COBLL1: variants seen among roughly 807,000 people sequenced by gnomAD.
COBLL1 encodes the protein cordon-bleu protein-like 1.
In COBLL1, 50 loss-of-function variants were observed where a neutral mutation model predicts 94.8. The ratio of observed to expected loss-of-function variants is 0.53; its 90% CI spans 0.42 to 0.67. The LOEUF is 0.67. COBLL1 is among the 30% of genes least tolerant of loss of function. COBLL1 has a pLI of 0.00. For missense variants in COBLL1, 1,362 were observed against 1,348.7 expected (o/e 1.01, Z -0.15); for synonymous variants, 448 against 473.8 (o/e 0.95, Z 0.71).
In COBLL1 at chr2:164,801,031, A is replaced by G. The variant is rs1220389703; in HGVS notation, c.41+40125T>C. 4.6e-5 allele frequency among the ~76,000 whole-genome samples: 7 copies of G among 152,320 alleles called. No homozygotes were observed. The East Asian group carries it at 1.4e-3, about 30-fold the overall frequency. ...TCCTAGCACTGGAGCTGGGTGCAGC[A>G]GCTCACATCTGGAATCCCAACTCTG... On this transcript the variant is annotated intron_variant, in intron 2 of 13. Coordinates refer to ENST00000652658, the MANE Select transcript of COBLL1 (RefSeq NM_001365672.2).
chr2:164,736,699 G>C (rs1394262449), intron 3 of COBLL1, among the ~76,000 whole-genome samples: 1 of 151,806 alleles, frequency 6.6e-6, no homozygotes, highest in African/African-American at 2.4e-5. Context: ...CACTATAATT[G>C]GGGCAATTTG....
At chr2:164,782,544 C>G (rs558976384) in intron 2 of COBLL1, among the ~76,000 whole-genome samples, 1 of 152,172 alleles carries the variant, frequency 6.6e-6, no homozygotes, top group East Asian at 1.9e-4. Flanking sequence ...TGGGGAGGGA[C>G]TGCTTTATGA....
chr2:164,764,542 T>C (rs1687844276), intron 2 of COBLL1, among the ~76,000 whole-genome samples: 1 of 152,186 alleles, frequency 6.6e-6, no homozygotes, highest in Non-Finnish European at 1.5e-5. Flanking sequence ...GAGCATGTAG[T>C]TATGGTCTGA....
At position 164,818,769 on chromosome 2, in the gene COBLL1, C is replaced by CATATATATATAT. The variant is rs752386836; in HGVS notation, c.41+22375_41+22386dup. Among the ~76,000 whole-genome samples, 680 of 139,420 alleles carry CATATATATATAT rather than the reference C, an allele frequency of 4.9e-3. 4 individuals are homozygous for CATATATATATAT. Among genetic ancestry groups the CATATATATATAT allele is most frequent in the Middle Eastern group, 0.034 (9 of 262 alleles). 91.5% of individuals were successfully genotyped at this position (139,420 alleles called of 152,430 possible). ...TAGTATATATATGTACTTATGTAAA[C>CATATATATATAT]ATATATATATATACATATAATTTTT... On this transcript the variant is annotated intron_variant, in intron 2 of 13. Coordinates refer to ENST00000652658, the MANE Select transcript of COBLL1 (RefSeq NM_001365672.2).
chr2:164,671,282 C>T (rs550388695), intron 1 of COBLL1, among the ~76,000 whole-genome samples: 1 of 146,490 alleles, frequency 6.8e-6, no homozygotes, highest in East Asian at 2.1e-4. Context: ...ACTTGCACAC[C>T]AGTTCTACAC....
At chr2:164,817,077 A>T (rs1346565331) in intron 2 of COBLL1, among the ~76,000 whole-genome samples, 3 of 152,226 alleles carry the variant, frequency 2.0e-5, no homozygotes, top group Non-Finnish European at 4.4e-5. Flanking sequence ...GCAAATATCC[A>T]TAGGCTCAGT....
At chr2:164,836,460 A>G (rs1683324205) in intron 2 of COBLL1, among the ~76,000 whole-genome samples, 1 of 152,176 alleles carries the variant, frequency 6.6e-6, no homozygotes, top group African/African-American at 2.4e-5. Context: ...GCCATTCAGT[A>G]TAATCCATGG....
intron 2 of COBLL1, among the ~76,000 whole-genome samples, chr2:164,747,015 A>C (rs1242586717): frequency 1.3e-5 from 2 of 152,170 alleles, no homozygotes; most frequent in Non-Finnish European, 2.9e-5. Flanking sequence ...GCAAATACAC[A>C]GAATCTCTGG....
chr2:164,667,946 C>CTT (rs1170450391), intron 1 of COBLL1, among the ~76,000 whole-genome samples: 32 of 132,856 alleles, frequency 2.4e-4, no homozygotes, highest in African/African-American at 7.2e-4. Flanking sequence ...TCTCGGCTTT[C>CTT]TTTTTTTTTT....
At chr2:164,758,313 G>T (rs994456343) in intron 2 of COBLL1, among the ~76,000 whole-genome samples, 7 of 151,826 alleles carry the variant, frequency 4.6e-5, no homozygotes, top group Non-Finnish European at 1.0e-4. Context: ...TTATCTAGTT[G>T]CAGAAACTAT....
At position 164,682,344 on chromosome 2, in the gene COBLL1, AATG is replaced by A; in HGVS notation, c.*3599_*3601del. ...GTTATCAAAATCAGTAGATTTTAAA[AATG>A]ATGAGTTTGATTCTTAGTTCTTTGA... On this transcript the variant is annotated 3_prime_UTR_variant, in exon 14 of 14. Transcript: ENST00000652658. 6.6e-6 allele frequency: 1 copy of A among 152,230 alleles called. No homozygotes were observed. The highest frequency in any genetic ancestry group is 3.2e-3 in the Middle Eastern group (1 of 316). 9.4% of individuals were successfully genotyped at this position (152,230 alleles called of 1,614,324 possible). A position where few individuals can be genotyped will look rare whatever the true frequency, so the allele number is the denominator to read the frequency against.
chr2:164,806,185 T>C (rs1175585450), intron 2 of COBLL1, among the ~76,000 whole-genome samples: 1 of 152,168 alleles, frequency 6.6e-6, no homozygotes, highest in African/African-American at 2.4e-5. Context: ...ACGTCACTCC[T>C]TTGAAATTTG....
Position 164,694,994 on chromosome 2 carries a change from G to GC in COBLL1, c.2397dup (p.Pro800AlafsTer2). ...ACTTGATGCTCTGTTCTCAGGTTAG[G>GC]CTTCGGTTTAAGGTTTGGCAGTGGC... is the stretch of plus-strand genomic sequence containing the variant. On this transcript the variant is annotated frameshift_variant, in exon 12 of 14. Coordinates refer to ENST00000652658, the MANE Select transcript of COBLL1 (RefSeq NM_001365672.2). LOFTEE classifies it high-confidence loss of function. The GC allele has an allele frequency of 1.9e-6, 3 of 1,613,940 alleles. 1 individual carries two copies. In the South Asian group the frequency reaches 3.3e-5, roughly 18 times the overall value.
intron 2 of COBLL1, among the ~76,000 whole-genome samples, chr2:164,758,699 A>G (rs1254243208): frequency 1.3e-5 from 2 of 152,192 alleles, no homozygotes; most frequent in East Asian, 3.8e-4. Context: ...ATATGAGAAG[A>G]GAGAACTATG....
chr2:164,766,078 T>G (rs1687921901), intron 2 of COBLL1, among the ~76,000 whole-genome samples: 1 of 152,222 alleles, frequency 6.6e-6, no homozygotes, highest in Non-Finnish European at 1.5e-5. Context: ...CTTCTTCCAC[T>G]GAAGCAGCTC....
At chr2:164,840,540 CAT>C (rs1683541692) in intron 2 of COBLL1, 1 of 151,516 alleles carries the variant, frequency 6.6e-6, no homozygotes, top group Non-Finnish European at 1.5e-5. Context: ...TCTTCTCAAA[CAT>C]GTGAGGATAA....
intron 2 of COBLL1, among the ~76,000 whole-genome samples, chr2:164,754,749 A>G (rs1687307337): frequency 6.6e-6 from 1 of 152,226 alleles, no homozygotes; most frequent in Non-Finnish European, 1.5e-5. Context: ...ACAGAAGTCT[A>G]TTTTAAATTC....
chr2:164,831,120 C>T (rs926102925), intron 2 of COBLL1, among the ~76,000 whole-genome samples: 2 of 151,948 alleles, frequency 1.3e-5, no homozygotes, highest in African/African-American at 2.4e-5. Context: ...TTCAGGAGTT[C>T]GAGATTAGCC....
rs559768400 is a variant in COBLL1, at chr2:164,788,107, T to C, written c.42-44232A>G. Among the ~76,000 whole-genome samples, 66 of 152,220 alleles carry C rather than the reference T, an allele frequency of 4.3e-4. 1 individual carries two copies. The highest frequency in any genetic ancestry group is 1.6e-3 in the African/African-American group (66 of 41,548). On this transcript the variant is annotated intron_variant, in intron 2 of 13. Coordinates refer to ENST00000652658, the MANE Select transcript of COBLL1 (RefSeq NM_001365672.2). ...CCTACCCACATAAGTGGGCACTGATTGGCCTAAACCAAGTAGAAGGATCTC... is the reference window on the plus strand; with the variant it reads ...CCTACCCACATAAGTGGGCACTGATCGGCCTAAACCAAGTAGAAGGATCTC...
Sources: gnomAD v4.1 joint callset for allele counts (sites outside exome capture counted in the v4.1 genomes callset) on GRCh38, gnomAD v4.1.1 for gene constraint, MANE v1.5 for transcripts, NCBI Gene and HGNC (gene_info 2026-07-23, HGNC 2026-07-21) for gene names.